The following SORL1 variants were observed in gnomAD, a reference collection of about 807,000 sequenced individuals.
The protein encoded by SORL1 is sortilin-related receptor.
A neutral mutation model predicts 273.7 loss-of-function variants in SORL1; 127 were observed. That is an observed-to-expected ratio of 0.46 (90% CI 0.40 to 0.54). SORL1 has a LOEUF of 0.54. Ranked by LOEUF, SORL1 falls within the 20% of genes least tolerant of loss-of-function variation. The pLI, the probability that SORL1 is intolerant of heterozygous loss-of-function variation, is 0.00. For missense variants in SORL1, 2,494 were observed against 2,846.1 expected, an observed-to-expected ratio of 0.88 and a Z score of 2.81; for synonymous variants, 1,031 against 1,067.4, an observed-to-expected ratio of 0.97 and a Z score of 0.66.
intron 26 of SORL1, 41 bp from the exon 27 acceptor site, chr11:121,586,181 T>C (rs1565345267): frequency 1.3e-6 from 2 of 1,521,692 alleles, no homozygotes; most frequent in Admixed American, 3.3e-5. Context: ...CCTGCCTGTT[T>C]CCTCCTCGTC....
At chr11:121,515,834 TAGAG>T (rs1413414048) in intron 8 of SORL1, among the ~76,000 whole-genome samples, 1 of 152,026 alleles carries the variant, frequency 6.6e-6, no homozygotes, top group Non-Finnish European at 1.5e-5. Context: ...ATATTTTTAG[TAGAG>T]ACAGCACCAT....
At chr11:121,578,113 G>T (rs779582357) in intron 25 of SORL1, among the ~76,000 whole-genome samples, 21 of 152,170 alleles carry the variant, frequency 1.4e-4, no homozygotes, top group Non-Finnish European at 3.1e-4. Flanking sequence ...AGGAATTTTT[G>T]TTCCAGATTT....
At chr11:121,534,580 T>A (rs1393767359) in intron 12 of SORL1, among the ~76,000 whole-genome samples, 1 of 152,234 alleles carries the variant, frequency 6.6e-6, no homozygotes. Flanking sequence ...AGCCTCCTAT[T>A]GACAGGTGCA....
At chr11:121,588,594 G>A (rs969385486) in intron 28 of SORL1, among the ~76,000 whole-genome samples, 1 of 152,194 alleles carries the variant, frequency 6.6e-6, no homozygotes, top group Non-Finnish European at 1.5e-5. Flanking sequence ...TACAGGAGCA[G>A]GGGCTTGTTT....
Position 121,586,290 on chromosome 11 carries a change from C to T in SORL1, c.3775C>T (p.Leu1259=), listed in dbSNP as rs1158140692. 3.1e-6 allele frequency: 5 copies of T among 1,614,140 alleles called. No individual in the cohort carries two copies. The highest frequency in any genetic ancestry group is 4.2e-6 in the Non-Finnish European group (5 of 1,179,974). The change falls in exon 27 of 48, where the codon CTG becomes TTG. Residue 1259 remains leucine, a synonymous_variant. Coordinates refer to ENST00000260197, the MANE Select transcript of SORL1 (RefSeq NM_003105.6). Reference sequence around the variant, plus strand: ...CCCATCCAGCAAACATTGTGATGGTCTGCGTGATTGCTCTGATGGCTCCGA... The same window carrying T: ...CCCATCCAGCAAACATTGTGATGGTTTGCGTGATTGCTCTGATGGCTCCGA... ...CIPSSKHCDG[L]RDCSDGSDEQ... is the part of the protein sequence containing the mutation.
At chr11:121,628,117 T>A (rs909942686) in intron 47 of SORL1, among the ~76,000 whole-genome samples, 1 of 152,090 alleles carries the variant, frequency 6.6e-6, no homozygotes, top group Non-Finnish European at 1.5e-5. Flanking sequence ...AGATCCTAAC[T>A]CAAGATAAAA....
At position 121,496,907 on chromosome 11, in the gene SORL1, T is replaced by C. The variant is rs771308799; in HGVS notation, c.797T>C (p.Ile266Thr). ...TATGACAAACCAAATACCATCTACA[T>C]TGAACGACATGAACCCTCTGGCTAC... ...DPYDKPNTIYIERHEPSGYST... is the reference protein window; with the variant it reads ...DPYDKPNTIYTERHEPSGYST... The change falls in exon 6 of 48, where the codon ATT (isoleucine) becomes ACT (threonine). Residue 266 changes from isoleucine to threonine, a missense_variant. By Grantham distance (89) the Ile-to-Thr change is moderately conservative. Around this residue, in one of 3 missense-constraint regions of SORL1, gnomAD observed 710 missense variants for 882.5 expected, o/e 0.80. Transcript: ENST00000260197. 1.4e-5 allele frequency: 22 copies of C among 1,613,718 alleles called. No individual in the cohort carries two copies. The African/African-American group carries it at 1.6e-4, about 12-fold the overall frequency.
At chr11:121,590,628 C>A (rs1397761555) in intron 30 of SORL1, 2 of 601,258 alleles carry the variant, frequency 3.3e-6, no homozygotes, top group Non-Finnish European at 5.9e-6. Context: ...TGAACCAGGT[C>A]GTGGAGTAGT....
intron 41 of SORL1, among the ~76,000 whole-genome samples, chr11:121,617,400 G>T (rs1344422259): frequency 6.6e-6 from 1 of 152,134 alleles, no homozygotes; most frequent in South Asian, 2.1e-4. Flanking sequence ...AGTAAGTCAC[G>T]ATATATAGGA....
chr11:121,490,696 G>A (rs1032191759), intron 5 of SORL1, among the ~76,000 whole-genome samples: 2 of 140,594 alleles, frequency 1.4e-5, no homozygotes, highest in East Asian at 2.1e-4. Context: ...AGCCGAGATC[G>A]CATCACTGCA....
At chr11:121,573,793 C>T (rs909348204) in intron 23 of SORL1, among the ~76,000 whole-genome samples, 2 of 152,194 alleles carry the variant, frequency 1.3e-5, no homozygotes, top group African/African-American at 4.8e-5. Context: ...AGCCTATGTT[C>T]CTACTGTAGA....
In SORL1 at chr11:121,570,031, C is replaced by T. The variant is rs142659037; in HGVS notation, c.3224-126C>T. 5.2e-4 allele frequency: 280 copies of T among 539,080 alleles called. 1 individual carries two copies. Among genetic ancestry groups the T allele is most frequent in the African/African-American group, 4.0e-3 (209 of 52,266 alleles). The allele number at this position is 539,080 out of a possible 1,614,324, so 33.4% of individuals were successfully genotyped here. A position where few individuals can be genotyped will look rare whatever the true frequency, so the allele number is the denominator to read the frequency against. ...TGAAATATCGGGGGTGAATTTCACC[C>T]GATATCTGGCTGAATTTCCCCCGAT... On this transcript the variant is annotated intron_variant, in intron 22 of 47. Coordinates refer to ENST00000260197, the MANE Select transcript of SORL1 (RefSeq NM_003105.6).
chr11:121,547,651 C>T (rs780796554), intron 14 of SORL1, among the ~76,000 whole-genome samples: 5 of 151,750 alleles, frequency 3.3e-5, no homozygotes, highest in South Asian at 2.1e-4. Flanking sequence ...CAAATGAGAT[C>T]GTGGGGTGAT....
intron 32 of SORL1, among the ~76,000 whole-genome samples, chr11:121,599,516 C>T (rs1429033950): frequency 6.6e-6 from 1 of 152,178 alleles, no homozygotes; most frequent in Admixed American, 6.5e-5. Flanking sequence ...TGCACTCCAG[C>T]CTGGGCAACA....
At chr11:121,488,687 G>A (rs1212092084) in intron 4 of SORL1, among the ~76,000 whole-genome samples, 1 of 152,210 alleles carries the variant, frequency 6.6e-6, no homozygotes, top group Non-Finnish European at 1.5e-5. Flanking sequence ...ATAAATGTGT[G>A]TATTTTCCTC....
intron 1 of SORL1, among the ~76,000 whole-genome samples, chr11:121,461,817 C>T (rs995962631): frequency 4.6e-5 from 7 of 152,046 alleles, no homozygotes; most frequent in South Asian, 2.1e-4. Flanking sequence ...TTAGGCCTTT[C>T]GCTAATGTTA....
chr11:121,568,422 A>G (rs1341440894), intron 22 of SORL1, among the ~76,000 whole-genome samples: 1 of 152,254 alleles, frequency 6.6e-6, no homozygotes, highest in Non-Finnish European at 1.5e-5. Flanking sequence ...AAGCTACTCC[A>G]TATTTCCCAT....
chr11:121,573,433 A>G (rs1478053011), intron 23 of SORL1, among the ~76,000 whole-genome samples: 1 of 152,102 alleles, frequency 6.6e-6, no homozygotes, highest in African/African-American at 2.4e-5. Context: ...CCAACATGGC[A>G]AAACCCCATC....
chr11:121,549,229 TTC>T (rs1436672325), intron 14 of SORL1, among the ~76,000 whole-genome samples: 1 of 152,018 alleles, frequency 6.6e-6, no homozygotes, highest in Non-Finnish European at 1.5e-5. Flanking sequence ...GTCAAATTTT[TTC>T]TTTTTTTCTG....
Sources: allele counts gnomAD v4.1 joint callset (sites outside exome capture counted in the v4.1 genomes callset), GRCh38; gene constraint gnomAD v4.1.1; regional missense constraint gnomAD v4.1.1; transcripts MANE v1.5; gene names NCBI Gene and HGNC (gene_info 2026-07-23, HGNC 2026-07-21).